Variants in STARD9 observed in about 807,000 individuals in gnomAD.
STARD9 encodes stAR-related lipid transfer protein 9.
A neutral mutation model predicts 399.8 loss-of-function variants in STARD9; 346 were observed. The observed-to-expected ratio is 0.87, with a 90% CI of 0.79 to 0.95. The LOEUF (loss-of-function observed/expected upper bound fraction) is 0.95, where lower values mean the gene tolerates loss of function less well. Among genes scored for constraint, STARD9 ranks in the 40% least tolerant of loss-of-function variants. The pLI is 0.00. For missense variants in STARD9, 5,832 were observed against 5,667.5 expected, an observed-to-expected ratio of 1.03 and a Z score of -0.93; for synonymous variants, 2,203 against 2,143.5, an observed-to-expected ratio of 1.03 and a Z score of -0.77.
At chr15:42,664,049 T>C (rs2060042124) in intron 13 of STARD9, 132 bp downstream of exon 13, 1 of 635,914 alleles carries the variant, frequency 1.6e-6, no homozygotes, top group Admixed American at 2.5e-5. Flanking sequence ...GATGAGGGAG[T>C]AGAATTCTTT....
chr15:42,594,621 T>G (rs1255409777), intron 3 of STARD9, among the ~76,000 whole-genome samples: 1 of 152,140 alleles, frequency 6.6e-6, no homozygotes, highest in African/African-American at 2.4e-5. Flanking sequence ...AGAGACAAAA[T>G]AACAGTTAGA....
intron 9 of STARD9, among the ~76,000 whole-genome samples, chr15:42,654,782 CACAA>C (rs1427006581): frequency 6.6e-6 from 1 of 152,060 alleles, no homozygotes; most frequent in African/African-American, 2.4e-5. Context: ...TCATATATGA[CACAA>C]ACAAATGGAA....
chr15:42,647,493 T>C (rs1267959946), intron 7 of STARD9, among the ~76,000 whole-genome samples: 1 of 152,176 alleles, frequency 6.6e-6, no homozygotes, highest in Non-Finnish European at 1.5e-5. Flanking sequence ...TGAAGGATTT[T>C]TCTTTATCTC....
Position 42,674,897 on chromosome 15 carries a change from A to T in STARD9, c.1620A>T (p.Arg540=), listed in dbSNP as rs766083900. 5 of 1,537,038 alleles carry T rather than the reference A, an allele frequency of 3.3e-6. No homozygotes were observed. In the South Asian group the frequency reaches 6.0e-5, roughly 18 times the overall value. ...GTGCCTGTGGTGTAGTTGTTCTACGACCTGCCCGTGGGGCCCGCTGTACAG... is the reference window on the plus strand; with the variant it reads ...GTGCCTGTGGTGTAGTTGTTCTACGTCCTGCCCGTGGGGCCCGCTGTACAG... ...ITSACGVVVL[R]PARGARCTVN... is the part of the protein sequence containing the mutation. The change falls in exon 18 of 33, where the codon CGA becomes CGT. Residue 540 remains arginine (R), a synonymous_variant. Coordinates refer to ENST00000290607, the MANE Select transcript of STARD9 (RefSeq NM_020759.3).
rs2060722146 is a variant in STARD9, at chr15:42,692,091, C to G, written c.10513C>G (p.Leu3505Val). The stretch of plus-strand genomic sequence containing the variant: ...CAGCCAGAAGCCCCAGGGGCTGACA[C>G]TATCAAATGTGGCCCGGTGCTCCAG... ...SCSQKPQGLT[L>V]SNVARCSSMD... Residue 3505 changes from leucine (L) to valine (V), a missense_variant, in exon 23 of 33, where the codon CTA becomes GTA. Leu to Val is a conservative substitution (Grantham distance 32). Transcript: ENST00000290607. 5 of 1,537,218 alleles carry G rather than the reference C, an allele frequency of 3.3e-6. No homozygotes were observed. In the South Asian group the frequency reaches 4.8e-5, roughly 15 times the overall value.
intron 1 of STARD9, among the ~76,000 whole-genome samples, chr15:42,576,926 C>G (rs1382406660): frequency 6.6e-6 from 1 of 152,124 alleles, no homozygotes; most frequent in Non-Finnish European, 1.5e-5. Context: ...GATGCCTGAC[C>G]TGCTGCGTTT....
At position 42,663,807 on chromosome 15, in the gene STARD9, CCTT is replaced by C. The variant is rs1165316643; in HGVS notation, c.1079-10_1079-8del. The stretch of plus-strand genomic sequence containing the variant: ...GGGCTGGCATGTTTTTAAACTTTCT[CCTT>C]CTACCTCAGCGGTGTCTCCTGCACA... On this transcript the variant is annotated splice_polypyrimidine_tract_variant and intron_variant, in intron 12 of 32. Transcript: ENST00000290607. 3 of 1,527,556 alleles carry C rather than the reference CCTT, an allele frequency of 2.0e-6. No individual in the cohort carries two copies. Among genetic ancestry groups the C allele is most frequent in the Non-Finnish European group, 2.6e-6 (3 of 1,138,226 alleles). The allele number at this position is 1,527,556 out of a possible 1,614,324, so 94.6% of individuals were successfully genotyped here.
At chr15:42,710,509 A>G (rs1261653676) in intron 26 of STARD9, among the ~76,000 whole-genome samples, 1 of 152,206 alleles carries the variant, frequency 6.6e-6, no homozygotes, top group Admixed American at 6.5e-5. Context: ...GCCCTTGGCA[A>G]CCACGAATCT....
chr15:42,659,007 G>C (rs532359238), intron 9 of STARD9, among the ~76,000 whole-genome samples: 1 of 152,240 alleles, frequency 6.6e-6, no homozygotes, highest in South Asian at 2.1e-4. Context: ...CAGCTGCTCA[G>C]GAGGCTGAGG....
At chr15:42,700,788 T>G (rs1310398018) in intron 26 of STARD9, among the ~76,000 whole-genome samples, 1 of 152,224 alleles carries the variant, frequency 6.6e-6, no homozygotes, top group East Asian at 1.9e-4. Flanking sequence ...ACCTCATTTG[T>G]CTATTTTTGC....
chr15:42,617,535 G>T (rs757883757), intron 3 of STARD9, among the ~76,000 whole-genome samples: 1 of 151,218 alleles, frequency 6.6e-6, no homozygotes, highest in Non-Finnish European at 1.5e-5. Context: ...GTTGGAATTG[G>T]ATTCAAGAAT....
chr15:42,625,662 T>TTTTTTA (rs1555393101), intron 3 of STARD9, among the ~76,000 whole-genome samples: 1 of 150,304 alleles, frequency 6.7e-6, no homozygotes, highest in Non-Finnish European at 1.5e-5. Context: ...TTTTTTTTTT[T>TTTTTTA]AGGTAGATTA....
chr15:42,595,306 G>A (rs2141717307), intron 3 of STARD9, among the ~76,000 whole-genome samples: 1 of 152,236 alleles, frequency 6.6e-6, no homozygotes, highest in Non-Finnish European at 1.5e-5. Context: ...GCTCAGATTT[G>A]TTGCATTATT....
chr15:42,682,474 T>C lies in STARD9; in HGVS notation c.2436T>C (p.Pro812=), dbSNP rs1239728828. The part of the protein sequence containing the change: ...TQEPPYQVLS[P]DATVPRPPCR... ...AGCCCCCATACCAGGTCCTCAGCCCTGATGCCACAGTCCCACGGCCTCCAT... is the reference window on the plus strand; with the variant it reads ...AGCCCCCATACCAGGTCCTCAGCCCCGATGCCACAGTCCCACGGCCTCCAT... The change falls in exon 22 of 33, where the codon CCT becomes CCC. Residue 812 remains proline, a synonymous_variant. Transcript: ENST00000290607. The C allele has an allele frequency of 5.2e-6, 8 of 1,537,192 alleles. No homozygotes were observed. The highest frequency in any genetic ancestry group is 6.1e-6 in the Non-Finnish European group (7 of 1,146,882).
At chr15:42,707,252 A>T (rs1455441686) in intron 26 of STARD9, among the ~76,000 whole-genome samples, 1 of 152,214 alleles carries the variant, frequency 6.6e-6, no homozygotes, top group Non-Finnish European at 1.5e-5. Flanking sequence ...ACAGGTTCCT[A>T]TGACTCAGCA....
intron 3 of STARD9, among the ~76,000 whole-genome samples, chr15:42,631,678 G>C (rs1404201417): frequency 6.6e-6 from 1 of 152,064 alleles, no homozygotes; most frequent in Non-Finnish European, 1.5e-5. Flanking sequence ...TGTGTGTATG[G>C]TTTCCAAAAT....
At chr15:42,633,524 A>G (rs563268103) in intron 3 of STARD9, among the ~76,000 whole-genome samples, 2 of 152,152 alleles carry the variant, frequency 1.3e-5, no homozygotes, top group South Asian at 2.1e-4. Flanking sequence ...GTGCTATTGG[A>G]TCCTTGATGC....
At chr15:42,625,728 A>G (rs1485435217) in intron 3 of STARD9, among the ~76,000 whole-genome samples, 3 of 149,950 alleles carry the variant, frequency 2.0e-5, no homozygotes, top group Non-Finnish European at 3.0e-5. Context: ...TTTAATAGCA[A>G]TTTCAGTTTG....
chr15:42,582,404 A>G (rs1472819881), intron 1 of STARD9, among the ~76,000 whole-genome samples: 1 of 152,210 alleles, frequency 6.6e-6, no homozygotes, highest in Non-Finnish European at 1.5e-5. Flanking sequence ...ATTATGAAAA[A>G]GGATAGGTAT....
Sources: allele counts gnomAD v4.1 joint callset (sites outside exome capture counted in the v4.1 genomes callset), GRCh38; gene constraint gnomAD v4.1.1; transcripts MANE v1.5; gene names NCBI Gene and HGNC (gene_info 2026-07-23, HGNC 2026-07-21).